Variants in UNC5CL observed in about 807,000 individuals in gnomAD.
UNC5CL encodes the protein unc-5 family C-terminal like, also known as UNC5C-like protein.
In UNC5CL, 42 loss-of-function variants were observed where a neutral mutation model predicts 54.1. That is an observed-to-expected ratio of 0.78 (90% CI 0.61 to 1.00). UNC5CL has a LOEUF of 1.00. Among genes scored for constraint, UNC5CL ranks in the 50% least tolerant of loss-of-function variants. UNC5CL has a pLI of 0.00. For missense variants in UNC5CL, 619 were observed against 675.6 expected (o/e 0.92, Z 0.93); for synonymous variants, 285 against 285.1 (o/e 1.00, Z 0.00).
At chr6:41,033,696 T>C (rs894179794) in intron 3 of UNC5CL, 185 bp downstream of exon 3, 18 of 651,538 alleles carry the variant, frequency 2.8e-5, no homozygotes, top group Admixed American at 9.0e-5. Flanking sequence ...ATGGACATGA[T>C]TGATGTGAGA....
rs1482660120 is a variant in UNC5CL at position 41,032,251 on chromosome 6, T to C, written c.950-114A>G. ...CAAAGGCAGGAGGGTCTCAAGGGAA[T>C]GGGAATCCCCAGAGCCTGGGCTGGG... On this transcript the variant is annotated intron_variant, in intron 4 of 8. Coordinates refer to ENST00000244565, the MANE Select transcript of UNC5CL (RefSeq NM_173561.3). 6 of 840,584 alleles carry C rather than the reference T, an allele frequency of 7.1e-6. No homozygotes were observed. The East Asian group carries it at 1.6e-4, about 22-fold the overall frequency. 52.1% of individuals were successfully genotyped at this position (840,584 alleles called of 1,614,324 possible).
In UNC5CL at chr6:41,028,093, C is replaced by T; in HGVS notation, c.*280G>A. 2.1e-6 allele frequency: 1 copy of T among 482,696 alleles called. No homozygotes were observed. Among genetic ancestry groups the T allele is most frequent in the South Asian group, 2.8e-5 (1 of 35,682 alleles). The allele number at this position is 482,696 out of a possible 1,614,324, so 29.9% of individuals were successfully genotyped here. ...CCTAAAGTGCACGCGGGGACCGTGGCCGTCCCCTGGTCAGTTTGGCAGGCT... is the reference window on the plus strand; with the variant it reads ...CCTAAAGTGCACGCGGGGACCGTGGTCGTCCCCTGGTCAGTTTGGCAGGCT... On this transcript the variant is annotated 3_prime_UTR_variant, in exon 9 of 9. Transcript: ENST00000244565. The surrounding 1 kb of genome is among the most constrained non-coding windows in gnomAD (Gnocchi z 4.3).
chr6:41,031,805 G>A, intron 5 of UNC5CL, 57 bp from the exon 6 acceptor site: 3 of 1,568,052 alleles, frequency 1.9e-6, no homozygotes, highest in South Asian at 2.2e-5. Flanking sequence ...TGGGGTAAGA[G>A]CAGGAGAAGG....
In UNC5CL at chr6:41,033,982, G is replaced by A; in HGVS notation, c.585C>T (p.Ser195=). Residue 195 remains serine, a synonymous_variant, in exon 3 of 9, where the codon AGC becomes AGT. Coordinates refer to ENST00000244565, the MANE Select transcript of UNC5CL (RefSeq NM_173561.3). ...TGGCATCCAGCAGGGTAGTGTTGCT[G>A]CTGTAGGTGCGAGCATGGCTGGGCT... is the stretch of plus-strand genomic sequence containing the variant. ...AEQPSHARTY[S]SNTTLLDAKV... 6.2e-7 allele frequency: 1 copy of A among 1,614,202 alleles called. No homozygotes were observed. Among genetic ancestry groups the A allele is most frequent in the South Asian group, 1.1e-5 (1 of 91,086 alleles).
chr6:41,028,718 T>G lies in UNC5CL; in HGVS notation c.1335-123A>C, dbSNP rs372607834. 5.4e-6 allele frequency: 5 copies of G among 930,730 alleles called. No homozygotes were observed. The highest frequency in any genetic ancestry group is 2.6e-5 in the East Asian group (1 of 38,070). The allele number at this position is 930,730 out of a possible 1,614,324, so 57.7% of individuals were successfully genotyped here. On this transcript the variant is annotated intron_variant, in intron 8 of 8. Coordinates refer to ENST00000244565, the MANE Select transcript of UNC5CL (RefSeq NM_173561.3). This position sits in a 1 kb window ranked among gnomAD's most constrained non-coding sequence, Gnocchi z 4.3. The stretch of plus-strand genomic sequence containing the variant: ...CTTCCCCATCCTGTAGCTTTTGTCC[T>G]TGTCCTGCTCTTGCCTGCCTTCCAG...
chr6:41,032,381 GGA>G lies in UNC5CL; in HGVS notation c.950-246_950-245del, dbSNP rs574933613. Among the ~76,000 whole-genome samples, 369 of 152,328 alleles carry G rather than the reference GGA, an allele frequency of 2.4e-3. 2 individuals are homozygous for G. The highest frequency in any genetic ancestry group is 0.014 in the Middle Eastern group (4 of 294). On this transcript the variant is annotated intron_variant, in intron 4 of 8. Transcript: ENST00000244565. Reference sequence around the variant, plus strand: ...TGCCACCTGGCATCACCCTGTCCAAGGAGTGAGTGGCAAGGGCTCAGTAGACA... The same window carrying G: ...TGCCACCTGGCATCACCCTGTCCAAGGTGAGTGGCAAGGGCTCAGTAGACA...
chr6:41,028,386 T>C lies in UNC5CL; in HGVS notation c.1544A>G (p.Asp515Gly). Reference sequence around the variant, plus strand: ...CCCGCTGGGCGCTCAGAGCTTCTCGTCCAGCTCCAGGCCCTGGTTATCCCG... The same window carrying C: ...CCCGCTGGGCGCTCAGAGCTTCTCGCCCAGCTCCAGGCCCTGGTTATCCCG... ...GARDNQGLEL[D>G]EKL The change falls in exon 9 of 9, where the codon GAC becomes GGC. Residue 515 changes from aspartate (D) to glycine (G), a missense_variant. Physicochemically the swap from Asp to Gly is moderately conservative, Grantham distance 94. Coordinates refer to ENST00000244565, the MANE Select transcript of UNC5CL (RefSeq NM_173561.3). The surrounding 1 kb of genome is among the most constrained non-coding windows in gnomAD (Gnocchi z 4.3). 1 of 1,588,752 alleles carries C rather than the reference T, an allele frequency of 6.3e-7. No individual in the cohort carries two copies. The highest frequency in any genetic ancestry group is 8.6e-7 in the Non-Finnish European group (1 of 1,167,642).
Position 41,030,788 on chromosome 6 carries a change from G to A in UNC5CL, c.1120-33C>T, listed in dbSNP as rs781626766. ...AACACAGGGCAGGGAACACACTTAGGGGTCACAAGCCATCCCCCTGAGTAA... is the reference window on the plus strand; with the variant it reads ...AACACAGGGCAGGGAACACACTTAGAGGTCACAAGCCATCCCCCTGAGTAA... On this transcript the variant is annotated intron_variant, in intron 6 of 8. Transcript: ENST00000244565. The A allele has an allele frequency of 4.4e-6, 7 of 1,600,870 alleles. No individual in the cohort carries two copies. In the African/African-American group the frequency reaches 5.4e-5, roughly 12 times the overall value.
In UNC5CL at chr6:41,030,419, A is replaced by C. The variant is rs772602543; in HGVS notation, c.1303T>G (p.Ser435Ala). The C allele has an allele frequency of 3.8e-5, 62 of 1,613,958 alleles. 3 individuals are homozygous for C. The South Asian group carries it at 6.5e-4, about 17-fold the overall frequency. Residue 435 changes from serine to alanine, a missense_variant, in exon 8 of 9, where the codon TCC (serine) becomes GCC (alanine). Coordinates refer to ENST00000244565, the MANE Select transcript of UNC5CL (RefSeq NM_173561.3). ...TTCATGCCGCAAAGCCCCAGGTGGG[A>C]GGCCAGTCTGCGCCAGTCATTGCCG... The part of the protein sequence containing the change: ...ITGNDWRRLA[S>A]HLGLCGMKIR...
At chr6:41,033,171 A>T in intron 3 of UNC5CL, 25 bp from the exon 4 acceptor site, 2 of 1,605,930 alleles carry the variant, frequency 1.2e-6, no homozygotes, top group Non-Finnish European at 1.7e-6. Flanking sequence ...AGTGGCAGGC[A>T]CTAATGTGCA....
In UNC5CL at chr6:41,028,254, G is replaced by T; in HGVS notation, c.*119C>A. 8.6e-7 allele frequency: 1 copy of T among 1,157,270 alleles called. No individual in the cohort carries two copies. The highest frequency in any genetic ancestry group is 1.2e-6 in the Non-Finnish European group (1 of 847,278). 71.7% of individuals were successfully genotyped at this position (1,157,270 alleles called of 1,614,324 possible). ...CGAGGACGCGGGCGGCCCTGGCACCGTCCGAGGGTTCTGGGAAGGGTGGTG... is the reference window on the plus strand; with the variant it reads ...CGAGGACGCGGGCGGCCCTGGCACCTTCCGAGGGTTCTGGGAAGGGTGGTG... On this transcript the variant is annotated 3_prime_UTR_variant, in exon 9 of 9. Transcript: ENST00000244565. This position sits in a 1 kb window ranked among gnomAD's most constrained non-coding sequence, Gnocchi z 4.3.
At chr6:41,037,125 G>C (rs926385681) in intron 1 of UNC5CL, among the ~76,000 whole-genome samples, 5 of 152,138 alleles carry the variant, frequency 3.3e-5, no homozygotes, top group Non-Finnish European at 5.9e-5. Flanking sequence ...CTGGTGCACC[G>C]GCCTTTGACA....
rs1421945957 is a variant in UNC5CL at position 41,028,236 on chromosome 6, G to C, written c.*137C>G. The C allele has an allele frequency of 1.1e-6, 1 of 918,476 alleles. No individual in the cohort carries two copies. Among genetic ancestry groups the C allele is most frequent in the African/African-American group, 1.7e-5 (1 of 57,806 alleles). The allele number at this position is 918,476 out of a possible 1,614,324, so 56.9% of individuals were successfully genotyped here. A position where few individuals can be genotyped will look rare whatever the true frequency, so the allele number is the denominator to read the frequency against. On this transcript the variant is annotated 3_prime_UTR_variant, in exon 9 of 9. Coordinates refer to ENST00000244565, the MANE Select transcript of UNC5CL (RefSeq NM_173561.3). The surrounding 1 kb of genome is among the most constrained non-coding windows in gnomAD (Gnocchi z 4.3). ...CTGCTGCTGGGAGGCTGGCGAGGAC[G>C]CGGGCGGCCCTGGCACCGTCCGAGG... is the stretch of plus-strand genomic sequence containing the variant.
In UNC5CL at chr6:41,034,012, G is replaced by A. The variant is rs759178155; in HGVS notation, c.555C>T (p.Ala185=). 8.1e-6 allele frequency: 13 copies of A among 1,614,056 alleles called. No homozygotes were observed. The highest frequency in any genetic ancestry group is 1.1e-5 in the Non-Finnish European group (13 of 1,180,026). ...KPCTLTFKHC[A]EQPSHARTYS... is the part of the protein sequence containing the mutation. ...AGGTGCGAGCATGGCTGGGCTGCTC[G>A]GCACAGTGTTTGAACGTGAGAGTGC... Residue 185 remains alanine, a synonymous_variant, in exon 3 of 9, where the codon GCC becomes GCT. Coordinates refer to ENST00000244565, the MANE Select transcript of UNC5CL (RefSeq NM_173561.3).
chr6:41,031,715 T>C lies in UNC5CL; in HGVS notation c.1085A>G (p.Asn362Ser), dbSNP rs145811250. Residue 362 changes from asparagine (N) to serine (S), a missense_variant, in exon 6 of 9, where the codon AAT becomes AGT. Physicochemically the swap from Asn to Ser is conservative, Grantham distance 46. Coordinates refer to ENST00000244565, the MANE Select transcript of UNC5CL (RefSeq NM_173561.3). ...GGTGTGCATGGTGACAATGATCTCA[T>C]TGGTTAGTGCTGAACAGTCCTCATT... The part of the protein sequence containing the change: ...DENEDCSALT[N>S]EIIVTMHTFQ... 5,729 of 1,614,126 alleles carry C rather than the reference T, an allele frequency of 3.5e-3. 72 individuals are homozygous for C. Among genetic ancestry groups the C allele is most frequent in the South Asian group, 0.03 (2,697 of 91,076 alleles).
Position 41,031,825 on chromosome 6 carries a change from CTATAG to C in UNC5CL, c.1052-82_1052-78del, listed in dbSNP as rs1011464913. 2.7e-6 allele frequency: 4 copies of C among 1,484,486 alleles called. No individual in the cohort carries two copies. The African/African-American group carries it at 5.6e-5, about 21-fold the overall frequency. The allele number at this position is 1,484,486 out of a possible 1,614,324, so 92.0% of individuals were successfully genotyped here. A position where few individuals can be genotyped will look rare whatever the true frequency, so the allele number is the denominator to read the frequency against. On this transcript the variant is annotated intron_variant, in intron 5 of 8. Transcript: ENST00000244565. ...TAAGAGCAGGAGAAGGTAAGGGACT[CTATAG>C]TAAGACTTGGGAAATCTGAGGAAGC... is the stretch of plus-strand genomic sequence containing the variant.
At chr6:41,038,876 T>G (rs1420662686) in intron 1 of UNC5CL, among the ~76,000 whole-genome samples, 1 of 152,202 alleles carries the variant, frequency 6.6e-6, no homozygotes. Flanking sequence ...CAACACCTGA[T>G]AGATGTCCAG....
chr6:41,029,936 G>A lies in UNC5CL; in HGVS notation c.1334+452C>T, dbSNP rs1385677148. Among the ~76,000 whole-genome samples, 2 of 152,216 alleles carry A rather than the reference G, an allele frequency of 1.3e-5. No individual in the cohort carries two copies. Among genetic ancestry groups the A allele is most frequent in the African/African-American group, 4.8e-5 (2 of 41,446 alleles). On this transcript the variant is annotated intron_variant, in intron 8 of 8. Transcript: ENST00000244565. The surrounding 1 kb of genome is among the most constrained non-coding windows in gnomAD (Gnocchi z 4.1). Reference sequence around the variant, plus strand: ...GTCTTCCCTGACCGCTGCACTCATAGTGTAGTTTCTGGAGCTTAGCTCAGT... The same window carrying A: ...GTCTTCCCTGACCGCTGCACTCATAATGTAGTTTCTGGAGCTTAGCTCAGT...
chr6:41,033,248 T>C, intron 3 of UNC5CL, 102 bp from the exon 4 acceptor site: 2 of 1,413,286 alleles, frequency 1.4e-6, no homozygotes. Context: ...TGTGGGGCCT[T>C]CAAGGAGGTT....
Sources: gnomAD v4.1 joint callset for allele counts (sites outside exome capture counted in the v4.1 genomes callset) on GRCh38, gnomAD v4.1.1 for gene constraint, Gnocchi (gnomAD v3.1) non-coding constraint, MANE v1.5 for transcripts, NCBI Gene and HGNC (gene_info 2026-07-23, HGNC 2026-07-21) for gene names.